The following PSG9 variants were observed in gnomAD, a reference collection of about 807,000 sequenced individuals.
The protein encoded by PSG9 is pregnancy-specific beta-1-glycoprotein 9.
A neutral mutation model predicts 41.9 loss-of-function variants in PSG9; 49 were observed. That is an observed-to-expected ratio of 1.17 (90% CI 0.93 to 1.48). PSG9 has a LOEUF of 1.48. Ranked by LOEUF, PSG9 falls within the 40% of genes most tolerant of loss-of-function variation. PSG9 has a pLI of 0.00. For missense variants in PSG9, 641 were observed against 520.3 expected, an observed-to-expected ratio of 1.23 and a Z score of -2.26; for synonymous variants, 263 against 196.8, an observed-to-expected ratio of 1.34 and a Z score of -2.82.
intron 2 of PSG9, among the ~76,000 whole-genome samples, chr19:43,263,444 G>A (rs546343298): frequency 3.3e-5 from 5 of 152,172 alleles, no homozygotes; most frequent in East Asian, 1.9e-4. Context: ...CTTCTTTTTA[G>A]CATCACATCA....
In PSG9 at chr19:43,267,889, T is replaced by A. The variant is rs762004697; in HGVS notation, c.325A>T (p.Ile109Phe). The change falls in exon 2 of 6, where the codon ATC becomes TTC. Residue 109 changes from isoleucine to phenylalanine, a missense_variant. By Grantham distance (21) the Ile-to-Phe change is conservative (BLOSUM62 0). Coordinates refer to ENST00000270077, the MANE Select transcript of PSG9 (RefSeq NM_002784.5). ...ETVYSNASLL[I>F]QNVTRKDAGT... ...GCATCCTTCCGGGTGACATTCTGGA[T>A]CAGCAGGGATGCGTTGGAATATACT... is the stretch of plus-strand genomic sequence containing the variant. 3.1e-6 allele frequency: 5 copies of A among 1,613,836 alleles called. No individual in the cohort carries two copies. Among genetic ancestry groups the A allele is most frequent in the Middle Eastern group, 3.3e-4 (2 of 6,056 alleles).
chr19:43,260,108 G>C (rs1265283480), intron 3 of PSG9: 1 of 146,190 alleles, frequency 6.8e-6, no homozygotes, highest in African/African-American at 2.6e-5. Flanking sequence ...CCCTGGGTTC[G>C]ACTACTCTAG....
In PSG9 at chr19:43,267,792, G is replaced by T. The variant is rs764440927; in HGVS notation, c.422C>A (p.Thr141Asn). The T allele has an allele frequency of 4.3e-6, 7 of 1,612,846 alleles. No individual in the cohort carries two copies. The highest frequency in any genetic ancestry group is 5.9e-6 in the Non-Finnish European group (7 of 1,179,310). Residue 141 changes from threonine to asparagine, a missense_variant, in exon 2 of 6, where the codon ACC becomes AAC. Coordinates refer to ENST00000270077, the MANE Select transcript of PSG9 (RefSeq NM_002784.5). ...CATGTGGAATCACTCACAGTATAAG[G>T]TGAAGGTGAAATGTCGAATTTCTTC... Reference protein sequence around the residue: ...TREEIRHFTFTLYLETPKPYI... With the variant: ...TREEIRHFTFNLYLETPKPYI...
chr19:43,264,565 C>T (rs1243167385), intron 2 of PSG9, among the ~76,000 whole-genome samples: 2 of 152,102 alleles, frequency 1.3e-5, no homozygotes, highest in Admixed American at 1.3e-4. Flanking sequence ...TCACACCATT[C>T]TCCTGCCTAG....
Position 43,269,426 on chromosome 19 carries a change from C to T in PSG9, c.6G>A (p.Gly2=), listed in dbSNP as rs1288568391. 1.9e-6 allele frequency: 3 copies of T among 1,613,578 alleles called. No homozygotes were observed. The highest frequency in any genetic ancestry group is 8.5e-7 in the Non-Finnish European group (1 of 1,179,652). The change falls in exon 1 of 6, where the codon GGG becomes GGA. Residue 2 remains glycine, a synonymous_variant. Transcript: ENST00000270077. ...GTGTGCAGGAAGGGGCTGGGAGGGG[C>T]CCCATGGTCTCTGCTGCCTGTGTGT... M[G]PLPAPSCTQR...
rs569006950 is a variant in PSG9, at chr19:43,256,374, G to A, written c.1243+1828C>T. Among the ~76,000 whole-genome samples the A allele has an allele frequency of 1.8e-4, 26 of 146,504 alleles. 4 individuals are homozygous for A. The highest frequency in any genetic ancestry group is 2.8e-4 in the African/African-American group (11 of 38,656). On this transcript the variant is annotated intron_variant, in intron 5 of 5. Coordinates refer to ENST00000270077, the MANE Select transcript of PSG9 (RefSeq NM_002784.5). ...ACAAAAATCAAAGCTTTTATATGTC[G>A]AAGAACATTATCAAGAAAGTAAAAA...
intron 1 of PSG9, among the ~76,000 whole-genome samples, chr19:43,269,012 CTTTTTTTTTT>C (rs1568422914): frequency 6.7e-6 from 1 of 148,706 alleles, no homozygotes. Context: ...TCCTTTTTTT[CTTTTTTTTTT>C]GAGACGGAGT....
At position 43,261,889 on chromosome 19, in the gene PSG9, C is replaced by T. The variant is rs147736357; in HGVS notation, c.680G>A (p.Arg227His). The change falls in exon 3 of 6, where the codon CGC (arginine) becomes CAC (histidine). Residue 227 changes from arginine to histidine, a missense_variant. Transcript: ENST00000270077. Reference protein sequence around the residue: ...CEIRNPVSASRSDPVTLNLLP... With the variant: ...CEIRNPVSASHSDPVTLNLLP... ...GAGATTCAGGGTGACTGGGTCACTG[C>T]GACTGGCACTCACTGGGTTCCGTAT... 1.3e-4 allele frequency: 209 copies of T among 1,614,006 alleles called. 1 individual carries two copies. Among genetic ancestry groups the T allele is most frequent in the Admixed American group, 4.8e-4 (29 of 60,024 alleles).
At chr19:43,260,831 G>A (rs1352165100) in intron 3 of PSG9, 1 of 152,100 alleles carries the variant, frequency 6.6e-6, no homozygotes, top group Non-Finnish European at 1.5e-5. Context: ...TCCAATCCAT[G>A]AAAATGAAAT....
Position 43,262,058 on chromosome 19 carries a change from G to C in PSG9, c.511C>G (p.Pro171Ala). The C allele has an allele frequency of 1.9e-6, 3 of 1,613,990 alleles. No homozygotes were observed. Among genetic ancestry groups the C allele is most frequent in the Non-Finnish European group, 1.7e-6 (2 of 1,179,908 alleles). ...AGGTAGCTTGCGTCCAGAGTCTCAG[G>C]ATCACAGATTAAGCGCACAGCCTCC... is the stretch of plus-strand genomic sequence containing the variant. Reference protein sequence around the residue: ...AMEAVRLICDPETLDASYLWW... With the variant: ...AMEAVRLICDAETLDASYLWW... The change falls in exon 3 of 6, where the codon CCT becomes GCT. Residue 171 changes from proline to alanine, a missense_variant. By Grantham distance (27) the Pro-to-Ala change is conservative. Coordinates refer to ENST00000270077, the MANE Select transcript of PSG9 (RefSeq NM_002784.5).
intron 2 of PSG9, among the ~76,000 whole-genome samples, 168 bp from the exon 3 acceptor site, chr19:43,262,306 G>A (rs1202734802): frequency 1.3e-5 from 2 of 152,274 alleles, no homozygotes; most frequent in African/African-American, 4.8e-5. Flanking sequence ...TGAGAGCTCA[G>A]AGATTGTGAG....
intron 3 of PSG9, chr19:43,260,229 G>A (rs189259948): frequency 6.8e-6 from 1 of 147,386 alleles, no homozygotes; most frequent in Non-Finnish European, 1.5e-5. Flanking sequence ...TTTCAGTTAT[G>A]CAAGGTGGGG....
At chr19:43,258,152 G>A in intron 5 of PSG9, 50 bp downstream of exon 5, 1 of 1,591,966 alleles carries the variant, frequency 6.3e-7, no homozygotes, top group Non-Finnish European at 8.5e-7. Context: ...CTGAAAGCCA[G>A]ATAGACTCCA....
In PSG9 at chr19:43,268,130, C is replaced by G. The variant is rs908633691; in HGVS notation, c.84G>C (p.Trp28Cys). Residue 28 changes from tryptophan (W) to cysteine (C), a missense_variant, in exon 2 of 6, where the codon TGG becomes TGC. Transcript: ENST00000270077. The part of the protein sequence containing the change: ...LLLTASLLNF[W>C]NPPTTAEVTI... ...TGACTTCGGCAGTGGTGGGCGGGTT[C>G]CAGAAGTTTAAAAGTGATGCTAGGA... 6 of 1,607,886 alleles carry G rather than the reference C, an allele frequency of 3.7e-6. No homozygotes were observed. The highest frequency in any genetic ancestry group is 5.1e-6 in the Non-Finnish European group (6 of 1,177,074).
intron 3 of PSG9, among the ~76,000 whole-genome samples, chr19:43,261,050 G>A (rs1163646952): frequency 2.6e-5 from 4 of 152,022 alleles, no homozygotes; most frequent in South Asian, 2.1e-4. Flanking sequence ...AAGAGTGAAG[G>A]GACAGGCAAA....
At chr19:43,262,777 C>T (rs1227122197) in intron 2 of PSG9, among the ~76,000 whole-genome samples, 1 of 152,056 alleles carries the variant, frequency 6.6e-6, no homozygotes, top group Non-Finnish European at 1.5e-5. Context: ...GAGCCAGTGA[C>T]CTCTAACGAT....
Position 43,258,982 on chromosome 19 carries a change from C to T in PSG9, c.863G>A (p.Arg288Gln), listed in dbSNP as rs748385870. The T allele has an allele frequency of 5.0e-6, 8 of 1,590,504 alleles. 1 individual carries two copies. The highest frequency in any genetic ancestry group is 3.3e-5 in the South Asian group (3 of 89,854). Residue 288 changes from arginine (R) to glutamine (Q), a missense_variant, in exon 4 of 6, where the codon CGA becomes CAA. Physicochemically the swap from Arg to Gln is conservative, Grantham distance 43 (BLOSUM62 1). Coordinates refer to ENST00000270077, the MANE Select transcript of PSG9 (RefSeq NM_002784.5). ...AATGAGTATCCTGTTTTCAATGGGT[C>T]GCTTTACCCCGGGACTGACGGGGAG... is the stretch of plus-strand genomic sequence containing the variant. ...QSLPVSPGVKRPIENRILILP... is the reference protein window; with the variant it reads ...QSLPVSPGVKQPIENRILILP...
chr19:43,262,043 C>A lies in PSG9; in HGVS notation c.526G>T (p.Ala176Ser), dbSNP rs763005161. 1 of 1,613,858 alleles carries A rather than the reference C, an allele frequency of 6.2e-7. No homozygotes were observed. The highest frequency in any genetic ancestry group is 1.7e-5 in the Admixed American group (1 of 60,004). Reference sequence around the variant, plus strand: ...CCATTCATCCACCATAGGTAGCTTGCGTCCAGAGTCTCAGGATCACAGATT... The same window carrying A: ...CCATTCATCCACCATAGGTAGCTTGAGTCCAGAGTCTCAGGATCACAGATT... ...RLICDPETLD[A>S]SYLWWMNGQS... Residue 176 changes from alanine (A) to serine (S), a missense_variant, in exon 3 of 6, where the codon GCA (alanine) becomes TCA (serine). Physicochemically the swap from Ala to Ser is moderately conservative, Grantham distance 99. Transcript: ENST00000270077.
In PSG9 at chr19:43,253,545, T is replaced by A. The variant is rs1968342647; in HGVS notation, c.*64A>T. ...GTCCAATAACATTGAGTTTTTTTCT[T>A]CTTTGTCTTGAATTTCATGAAGGTA... On this transcript the variant is annotated 3_prime_UTR_variant, in exon 6 of 6. Coordinates refer to ENST00000270077, the MANE Select transcript of PSG9 (RefSeq NM_002784.5). The A allele has an allele frequency of 1.6e-6, 1 of 642,394 alleles. No homozygotes were observed. Among genetic ancestry groups the A allele is most frequent in the African/African-American group, 2.0e-5 (1 of 50,422 alleles). 39.8% of individuals were successfully genotyped at this position (642,394 alleles called of 1,614,324 possible).
Sources: allele counts gnomAD v4.1 joint callset (sites outside exome capture counted in the v4.1 genomes callset), GRCh38; gene constraint gnomAD v4.1.1; transcripts MANE v1.5; gene names NCBI Gene and HGNC (gene_info 2026-07-23, HGNC 2026-07-21).